XYLB: variants seen among roughly 807,000 people sequenced by gnomAD.
XYLB encodes xylulokinase.
A neutral mutation model predicts 78.7 loss-of-function variants in XYLB; 62 were observed. The ratio of observed to expected loss-of-function variants is 0.79; its 90% CI spans 0.64 to 0.97. The LOEUF (loss-of-function observed/expected upper bound fraction) is 0.97, where lower values mean the gene tolerates loss of function less well. Among genes scored for constraint, XYLB ranks in the 50% least tolerant of loss-of-function variants. XYLB has a pLI of 0.00. For missense variants in XYLB, 687 were observed against 676.8 expected, an observed-to-expected ratio of 1.02 and a Z score of -0.17; for synonymous variants, 245 against 247.4, an observed-to-expected ratio of 0.99 and a Z score of 0.09.
At chr3:38,426,794 C>T in the XYLB span, among the ~76,000 whole-genome samples, 4 of 152,168 alleles carry the variant, frequency 2.6e-5, no homozygotes, top group Non-Finnish European at 5.9e-5. Flanking sequence ...CATAAACAGA[C>T]CTTAAAGAAA....
chr3:38,435,506 A>G, the XYLB span, among the ~76,000 whole-genome samples: 2 of 152,224 alleles, frequency 1.3e-5, no homozygotes, highest in Non-Finnish European at 2.9e-5. Flanking sequence ...GGGGACTTCA[A>G]CACCCCACTT....
chr3:38,379,937 G>A (rs1707066418), intron 15 of XYLB, among the ~76,000 whole-genome samples: 1 of 152,150 alleles, frequency 6.6e-6, no homozygotes, highest in Admixed American at 6.5e-5. Flanking sequence ...AGGTTGAGGG[G>A]CCATATCTGA....
At chr3:38,359,611 T>C (rs1171015004) in intron 2 of XYLB, among the ~76,000 whole-genome samples, 1 of 152,258 alleles carries the variant, frequency 6.6e-6, no homozygotes, top group Non-Finnish European at 1.5e-5. Context: ...ATCACAAATA[T>C]ACACCACGAT....
chr3:38,424,175 T>G (rs1709056215), downstream of XYLB, among the ~76,000 whole-genome samples: 1 of 152,156 alleles, frequency 6.6e-6, no homozygotes, highest in African/African-American at 2.4e-5. Context: ...CCAGAAAAGA[T>G]TGATTTTTCC....
At chr3:38,440,896 G>C in the XYLB span, among the ~76,000 whole-genome samples, 11 of 147,098 alleles carry the variant, frequency 7.5e-5, no homozygotes, top group Non-Finnish European at 1.6e-4. Flanking sequence ...CTCCCTTTTT[G>C]TCTCTCTGTC....
chr3:38,440,775 G>A, the XYLB span, among the ~76,000 whole-genome samples: 16 of 152,182 alleles, frequency 1.1e-4, no homozygotes, highest in Non-Finnish European at 2.1e-4. Flanking sequence ...AAGGAATAGG[G>A]TACACACTTT....
chr3:38,398,567 G>A (rs556778448), intron 17 of XYLB, among the ~76,000 whole-genome samples: 2 of 151,866 alleles, frequency 1.3e-5, no homozygotes, highest in Admixed American at 1.3e-4. Flanking sequence ...AAGATCACTT[G>A]GGAATTTATT....
At chr3:38,436,824 T>G in the XYLB span, among the ~76,000 whole-genome samples, 2 of 151,636 alleles carry the variant, frequency 1.3e-5, no homozygotes, top group East Asian at 3.9e-4. Flanking sequence ...GTCAACATGG[T>G]GAAAACCCAT....
At chr3:38,348,853 AC>A (rs1705210702) in intron 2 of XYLB, among the ~76,000 whole-genome samples, 1 of 152,138 alleles carries the variant, frequency 6.6e-6, no homozygotes, top group South Asian at 2.1e-4. Flanking sequence ...ATCAGTTGAG[AC>A]CTACTTTGTG....
the XYLB span, among the ~76,000 whole-genome samples, chr3:38,446,916 A>G: frequency 7.9e-5 from 12 of 152,218 alleles, no homozygotes; most frequent in African/African-American, 2.9e-4. Flanking sequence ...AAAATAGACA[A>G]ATGGGACTCT....
chr3:38,370,313 G>A, intron 9 of XYLB, 139 bp downstream of exon 9: 1 of 653,148 alleles, frequency 1.5e-6, no homozygotes, highest in South Asian at 1.9e-5. Context: ...GCATACACAT[G>A]CAGGGTCTTC....
At chr3:38,397,043 C>T in intron 16 of XYLB, 29 bp from the exon 17 acceptor site, 2 of 1,610,968 alleles carry the variant, frequency 1.2e-6, no homozygotes, top group Non-Finnish European at 1.7e-6. Context: ...GAATGGCTCA[C>T]CACAGTAGAA....
intron 2 of XYLB, 134 bp from the exon 3 acceptor site, chr3:38,360,205 G>C (rs567927946): frequency 1.2e-6 from 1 of 831,040 alleles, no homozygotes; most frequent in East Asian, 2.5e-5. Context: ...TCAATCAACA[G>C]TTCCCACTTG....
intron 14 of XYLB, 28 bp from the exon 15 acceptor site, chr3:38,379,218 C>G (rs1269074742): frequency 1.9e-6 from 3 of 1,610,786 alleles, no homozygotes; most frequent in Middle Eastern, 1.7e-4. Flanking sequence ...GAGTTCCTTA[C>G]TCTGTGCCCA....
In XYLB at chr3:38,368,269, G is replaced by A; in HGVS notation, c.646+12G>A. ...TGACTACAGTGATGGTGAGCCTCGG[G>A]GTATGGGGTGGGTGCCTGGGCAGTG... On this transcript the variant is annotated intron_variant, in intron 8 of 18. Coordinates refer to ENST00000207870, the MANE Select transcript of XYLB (RefSeq NM_005108.4). The A allele has an allele frequency of 1.2e-6, 2 of 1,613,792 alleles. No homozygotes were observed. Among genetic ancestry groups the A allele is most frequent in the Non-Finnish European group, 1.7e-6 (2 of 1,179,718 alleles).
chr3:38,367,369 C>G (rs1343855526), intron 7 of XYLB, among the ~76,000 whole-genome samples: 1 of 152,240 alleles, frequency 6.6e-6, no homozygotes. Context: ...GAAGCCAGCA[C>G]TTGTTGCTGC....
At chr3:38,431,142 G>T in the XYLB span, among the ~76,000 whole-genome samples, 7 of 152,134 alleles carry the variant, frequency 4.6e-5, no homozygotes, top group Admixed American at 2.0e-4. Flanking sequence ...AAATTACCTT[G>T]GGCAGTATGG....
the XYLB span, among the ~76,000 whole-genome samples, chr3:38,436,088 C>G: frequency 6.6e-6 from 1 of 151,862 alleles, no homozygotes; most frequent in Non-Finnish European, 1.5e-5. Context: ...CAGAGCAGAA[C>G]TAAATGAAAA....
At chr3:38,436,189 C>G in the XYLB span, among the ~76,000 whole-genome samples, 23 of 151,644 alleles carry the variant, frequency 1.5e-4, no homozygotes, top group Non-Finnish European at 2.9e-4. Context: ...CCAGACTAAC[C>G]AAGAAAAAAA....
Sources: gnomAD v4.1 joint callset for allele counts (sites outside exome capture counted in the v4.1 genomes callset) on GRCh38, gnomAD v4.1.1 for gene constraint, MANE v1.5 for transcripts, NCBI Gene and HGNC (gene_info 2026-07-23, HGNC 2026-07-21) for gene names.